Variants in ADAMTS12 observed in about 807,000 individuals in gnomAD.
ADAMTS12 encodes ADAM metallopeptidase with thrombospondin type 1 motif 12, also known as A disintegrin and metalloproteinase with thrombospondin motifs 12.
Under a neutral mutation model 167.8 loss-of-function variants are expected in ADAMTS12, and 118 were observed. That is an observed-to-expected ratio of 0.70 (90% confidence interval 0.61 to 0.82). The LOEUF is 0.82. Among genes scored for constraint, ADAMTS12 ranks in the 40% least tolerant of loss-of-function variants. The pLI is 0.00. For synonymous variants in ADAMTS12, 704 were observed against 716.9 expected, an observed-to-expected ratio of 0.98 and a Z score of 0.29; for missense variants, 1,916 against 1,998.8, an observed-to-expected ratio of 0.96 and a Z score of 0.79.
intron 2 of ADAMTS12, among the ~76,000 whole-genome samples, chr5:33,813,404 G>C (rs993515954): frequency 2.0e-5 from 3 of 152,158 alleles, no homozygotes; most frequent in African/African-American, 4.8e-5. Context: ...AGTTGTCTGT[G>C]AATCTTTTAA....
intron 22 of ADAMTS12, among the ~76,000 whole-genome samples, chr5:33,542,542 C>T (rs948446023): frequency 4.6e-5 from 7 of 152,192 alleles, no homozygotes; most frequent in African/African-American, 1.2e-4. Context: ...CTCTTCACCC[C>T]AAATCAACAG....
At chr5:33,714,627 A>G (rs1442041514) in intron 3 of ADAMTS12, among the ~76,000 whole-genome samples, 2 of 134,144 alleles carry the variant, frequency 1.5e-5, no homozygotes, top group Non-Finnish European at 3.3e-5. Context: ...CATAAAAAAG[A>G]ATGAAATACT....
intron 2 of ADAMTS12, among the ~76,000 whole-genome samples, chr5:33,814,691 A>C (rs1017303220): frequency 2.6e-5 from 4 of 152,188 alleles, no homozygotes; most frequent in Non-Finnish European, 5.9e-5. Context: ...AGAGGCTGGG[A>C]AAAAGAAAGA....
At chr5:33,888,905 T>A (rs1750744110) in intron 1 of ADAMTS12, among the ~76,000 whole-genome samples, 1 of 152,220 alleles carries the variant, frequency 6.6e-6, no homozygotes, top group Non-Finnish European at 1.5e-5. Flanking sequence ...TCAAATAGCC[T>A]GTTTCTATGT....
chr5:33,592,439 A>G lies in ADAMTS12; in HGVS notation c.2654+3495T>C, dbSNP rs574620083. 1.2e-4 allele frequency among the ~76,000 whole-genome samples: 18 copies of G among 152,330 alleles called. 1 individual carries two copies. The South Asian group carries it at 3.5e-3, about 30-fold the overall frequency. On this transcript the variant is annotated intron_variant, in intron 17 of 23. Coordinates refer to ENST00000504830, the MANE Select transcript of ADAMTS12 (RefSeq NM_030955.4). ...GTTTATTGAGTACTTTGGATATGCTAGGCACTATCACAGCTGTGGCCTAGC... is the reference window on the plus strand; with the variant it reads ...GTTTATTGAGTACTTTGGATATGCTGGGCACTATCACAGCTGTGGCCTAGC...
chr5:33,629,934 C>T (rs1266374354), intron 13 of ADAMTS12, among the ~76,000 whole-genome samples: 1 of 152,060 alleles, frequency 6.6e-6, no homozygotes, highest in Non-Finnish European at 1.5e-5. Flanking sequence ...GGTTAACTGA[C>T]CTTATTTAAT....
chr5:33,881,187 G>C lies in ADAMTS12; in HGVS notation c.421C>G (p.Leu141Val). ...CCCTGCTGTAGAACCGTGCCACTGA[G>C]ATGGCAGAGGGGGGCAGAGGAAGCC... ...MMASSAPLCH[L>V]SGTVLQQGTR... Residue 141 changes from leucine to valine, a missense_variant, in exon 2 of 24, where the codon CTC becomes GTC. Leu to Val is a conservative substitution (Grantham distance 32). Coordinates refer to ENST00000504830, the MANE Select transcript of ADAMTS12 (RefSeq NM_030955.4). 6.2e-7 allele frequency: 1 copy of C among 1,614,164 alleles called. No individual in the cohort carries two copies. The highest frequency in any genetic ancestry group is 8.5e-7 in the Non-Finnish European group (1 of 1,180,032).
rs1396773055 is a variant in ADAMTS12 at position 33,855,928 on chromosome 5, C to T, written c.489+25191G>A. On this transcript the variant is annotated intron_variant, in intron 2 of 23. Coordinates refer to ENST00000504830, the MANE Select transcript of ADAMTS12 (RefSeq NM_030955.4). ...TTGTTTGTTTGTAGCGATGATGCCT[C>T]ACTACGTTGTGTAGGTTTGTCTCCA... 2.6e-5 allele frequency among the ~76,000 whole-genome samples: 4 copies of T among 152,062 alleles called. No individual in the cohort carries two copies. In the East Asian group the frequency reaches 7.7e-4, roughly 29 times the overall value.
Position 33,595,930 on chromosome 5 carries a change from T to G in ADAMTS12, c.2654+4A>C. ...ACAGAGCTCCAGCTGTTAGCGATGGTTACCTGGGTGGACAAGCCTTTTCAT... is the reference window on the plus strand; with the variant it reads ...ACAGAGCTCCAGCTGTTAGCGATGGGTACCTGGGTGGACAAGCCTTTTCAT... On this transcript the variant is annotated splice_donor_region_variant and intron_variant, in intron 17 of 23. Coordinates refer to ENST00000504830, the MANE Select transcript of ADAMTS12 (RefSeq NM_030955.4). 6.2e-7 allele frequency: 1 copy of G among 1,614,056 alleles called. No individual in the cohort carries two copies.
At chr5:33,607,570 A>G (rs1303695398) in intron 16 of ADAMTS12, among the ~76,000 whole-genome samples, 1 of 152,200 alleles carries the variant, frequency 6.6e-6, no homozygotes, top group African/African-American at 2.4e-5. Flanking sequence ...GTTTAATAGT[A>G]ATAGCATTGA....
At chr5:33,871,165 T>C (rs192119090) in intron 2 of ADAMTS12, among the ~76,000 whole-genome samples, 2 of 152,200 alleles carry the variant, frequency 1.3e-5, no homozygotes, top group African/African-American at 4.8e-5. Flanking sequence ...AAAATTTGAA[T>C]AGCCCTATTA....
At chr5:33,699,023 G>T (rs1182153078) in intron 3 of ADAMTS12, among the ~76,000 whole-genome samples, 1 of 152,120 alleles carries the variant, frequency 6.6e-6, no homozygotes, top group Non-Finnish European at 1.5e-5. Context: ...CAGGTGTGGT[G>T]GTGGGCACCT....
intron 3 of ADAMTS12, among the ~76,000 whole-genome samples, chr5:33,692,333 T>C (rs1243189639): frequency 6.6e-5 from 10 of 152,150 alleles, no homozygotes; most frequent in African/African-American, 2.2e-4. Context: ...TTGAAGAAGA[T>C]GGAATAATAT....
chr5:33,886,889 G>A (rs570442843), intron 1 of ADAMTS12, among the ~76,000 whole-genome samples: 1 of 152,208 alleles, frequency 6.6e-6, no homozygotes, highest in African/African-American at 2.4e-5. Context: ...AGGCTCCAAT[G>A]TATTAATATA....
chr5:33,581,693 T>A (rs1176381565), intron 18 of ADAMTS12, among the ~76,000 whole-genome samples: 1 of 152,226 alleles, frequency 6.6e-6, no homozygotes, highest in African/African-American at 2.4e-5. Flanking sequence ...TGTTTTGGGT[T>A]GAATTGTGTC....
At chr5:33,740,645 C>T (rs1424781446) in intron 3 of ADAMTS12, among the ~76,000 whole-genome samples, 2 of 152,162 alleles carry the variant, frequency 1.3e-5, no homozygotes, top group East Asian at 3.9e-4. Context: ...CAATCCTGAC[C>T]CTCCCCATGT....
At chr5:33,546,328 G>T in intron 21 of ADAMTS12, 126 bp from the exon 22 acceptor site, 1 of 799,820 alleles carries the variant, frequency 1.3e-6, no homozygotes, top group Non-Finnish European at 1.7e-6. Flanking sequence ...ATCTGTATTA[G>T]AATTTATAGC....
At chr5:33,592,055 T>C (rs1260936150) in intron 17 of ADAMTS12, among the ~76,000 whole-genome samples, 1 of 151,452 alleles carries the variant, frequency 6.6e-6, no homozygotes, top group African/African-American at 2.4e-5. Context: ...ACCCCGTCTC[T>C]ACTAAAAAAA....
At chr5:33,760,407 A>G (rs1745306916) in intron 2 of ADAMTS12, among the ~76,000 whole-genome samples, 1 of 152,214 alleles carries the variant, frequency 6.6e-6, no homozygotes, top group Non-Finnish European at 1.5e-5. Context: ...ACATTCCAGT[A>G]GGCAGATACT....
Sources: allele counts gnomAD v4.1 joint callset (sites outside exome capture counted in the v4.1 genomes callset), GRCh38; gene constraint gnomAD v4.1.1; transcripts MANE v1.5; gene names NCBI Gene and HGNC (gene_info 2026-07-23, HGNC 2026-07-21).